POLR1D: variants seen among roughly 807,000 people sequenced by gnomAD.
POLR1D encodes RNA polymerase I and III subunit D, also known as DNA-directed RNA polymerases I and III subunit RPAC2.
A neutral mutation model predicts 10.8 loss-of-function variants in POLR1D; 8 were observed. That is an observed-to-expected ratio of 0.74 (90% CI 0.43 to 1.33). The LOEUF (loss-of-function observed/expected upper bound fraction) is 1.33, where lower values mean the gene tolerates loss of function less well. Ranked by LOEUF, POLR1D falls within the 40% of genes most tolerant of loss-of-function variation. The probability of loss-of-function intolerance (pLI) is 0.01; values close to 1 mark genes in which losing one functional copy is unlikely to be tolerated. For missense variants in POLR1D, 152 were observed against 161.7 expected (o/e 0.94, Z 0.32); for synonymous variants, 54 against 57.2 (o/e 0.94, Z 0.25).
At chr13:27,652,641 TGGGCGG>T (rs1956275677) in intron 2 of POLR1D, among the ~76,000 whole-genome samples, 1 of 88,510 alleles carries the variant, frequency 1.1e-5, no homozygotes, top group Non-Finnish European at 2.6e-5. Context: ...GAGGCCGAGG[TGGGCGG>T]ATCACTTGAG....
In POLR1D at chr13:27,621,921, G is replaced by C. The variant is rs563407988; in HGVS notation, c.-63G>C. 9.1e-5 allele frequency: 141 copies of C among 1,544,334 alleles called. No homozygotes were observed. In the African/African-American group the frequency reaches 1.4e-3, roughly 15 times the overall value. ...GCTTCCTGCTTCGCCTCCGCGCCTC[G>C]CGCTATGGGACAGAGCCCCCGATCC... On this transcript the variant is annotated 5_prime_UTR_variant, in exon 1 of 2. Transcript: ENST00000302979.
At chr13:27,637,309 G>A (rs928589223) in intron 1 of POLR1D, among the ~76,000 whole-genome samples, 2 of 152,138 alleles carry the variant, frequency 1.3e-5, no homozygotes, top group Non-Finnish European at 2.9e-5. Context: ...GTTAATCTCT[G>A]CAGCCTTTCT....
chr13:27,665,865 G>C (rs565786176), exon 3 of POLR1D: 26 of 1,614,048 alleles, frequency 1.6e-5, no homozygotes, highest in Non-Finnish European at 2.2e-5. Flanking sequence ...TACAAGCACA[G>C]CTTCCGCGCT....
intron 1 of POLR1D, among the ~76,000 whole-genome samples, chr13:27,642,713 A>G (rs1175831846): frequency 6.6e-6 from 1 of 152,222 alleles, no homozygotes; most frequent in Non-Finnish European, 1.5e-5. Flanking sequence ...AGGAGTGTAA[A>G]AAAATAGCTA....
At chr13:27,621,273 A>G (rs1349211652), upstream of POLR1D, 1 of 152,334 alleles carries the variant, frequency 6.6e-6, no homozygotes, top group African/African-American at 2.4e-5. Flanking sequence ...GGTGGGAAAC[A>G]GTTTTCTCCC....
At chr13:27,650,025 T>C (rs2138557577) in intron 2 of POLR1D, 1 of 398,432 alleles carries the variant, frequency 2.5e-6, no homozygotes, top group Non-Finnish European at 4.4e-6. Flanking sequence ...TGAAATCTGT[T>C]ATACTTGTGG....
downstream of POLR1D, among the ~76,000 whole-genome samples, chr13:27,624,537 A>G (rs1024538909): frequency 6.6e-6 from 1 of 152,124 alleles, no homozygotes; most frequent in Non-Finnish European, 1.5e-5. Context: ...TTGGGGATAG[A>G]TATATAGCTA....
At chr13:27,651,861 T>C (rs191293341) in intron 2 of POLR1D, among the ~76,000 whole-genome samples, 97 of 152,262 alleles carry the variant, frequency 6.4e-4, no homozygotes, top group African/African-American at 2.0e-3. Flanking sequence ...GGGAGGATGA[T>C]AGTGAAAATC....
At chr13:27,662,701 G>A (rs1956376198) in intron 2 of POLR1D, among the ~76,000 whole-genome samples, 1 of 152,118 alleles carries the variant, frequency 6.6e-6, no homozygotes, top group Admixed American at 6.5e-5. Context: ...TTGCAAGTGG[G>A]GGAAACGAAT....
rs1956390773 is a variant in POLR1D, at chr13:27,663,983, G to A, written c.102-1703G>A. Among the ~76,000 whole-genome samples, 1 of 152,166 alleles carries A rather than the reference G, an allele frequency of 6.6e-6. No homozygotes were observed. The highest frequency in any genetic ancestry group is 1.5e-5 in the Non-Finnish European group (1 of 68,036). On this transcript the variant is annotated intron_variant, in intron 2 of 2. Coordinates refer to the POLR1D transcript ENST00000399697. This position sits in a 1 kb window ranked among gnomAD's most constrained non-coding sequence, Gnocchi z 4.1. The stretch of plus-strand genomic sequence containing the variant: ...GTGATGGAGGGTAGTTTTTCCTGTA[G>A]GCTGTCTGTGTTATGCTGTTTTGGA...
At chr13:27,654,554 G>T (rs1227988799) in intron 2 of POLR1D, among the ~76,000 whole-genome samples, 1 of 152,172 alleles carries the variant, frequency 6.6e-6, no homozygotes, top group South Asian at 2.1e-4. Flanking sequence ...TTTCCTAGAA[G>T]TGACAGGCCC....
chr13:27,646,448 T>C (rs558914370), intron 1 of POLR1D, among the ~76,000 whole-genome samples: 2 of 152,312 alleles, frequency 1.3e-5, no homozygotes, highest in South Asian at 4.1e-4. Context: ...AAGCAGCATA[T>C]GTGGTCATCA....
rs1956390652 is a variant in POLR1D at position 27,663,970 on chromosome 13, A to T, written c.102-1716A>T. Among the ~76,000 whole-genome samples, 1 of 152,216 alleles carries T rather than the reference A, an allele frequency of 6.6e-6. No homozygotes were observed. Among genetic ancestry groups the T allele is most frequent in the African/African-American group, 2.4e-5 (1 of 41,468 alleles). On this transcript the variant is annotated intron_variant, in intron 2 of 2. Transcript: ENST00000399697. The surrounding 1 kb of genome is among the most constrained non-coding windows in gnomAD (Gnocchi z 4.1). ...CTTTTTACTCTCTGTGATGGAGGGT[A>T]GTTTTTCCTGTAGGCTGTCTGTGTT...
rs144393550 is a variant in POLR1D, at chr13:27,640,406, A to G, written c.27-7973A>G. Among the ~76,000 whole-genome samples the G allele has an allele frequency of 1.7e-3, 262 of 152,342 alleles. 1 individual carries two copies. The highest frequency in any genetic ancestry group is 6.0e-3 in the African/African-American group (250 of 41,582). On this transcript the variant is annotated intron_variant, in intron 1 of 2. Transcript: ENST00000399697. ...TTTCCAGTGGACACTAATTTAGAGT[A>G]TGGAAAGGTTTTGAACTGCAGAAAA...
At chr13:27,650,343 T>C in intron 2 of POLR1D, 3 of 322,048 alleles carry the variant, frequency 9.3e-6, no homozygotes, top group Non-Finnish European at 1.1e-5. Flanking sequence ...TGTTCAAAGT[T>C]TTTATTGAGG....
At chr13:27,621,881 C>G, upstream of POLR1D, 2 of 1,252,860 alleles carry the variant, frequency 1.6e-6, no homozygotes, top group South Asian at 2.6e-5. Context: ...CCGCGCCTTC[C>G]GTCGGTCGGT....
chr13:27,645,021 G>C (rs7337722), intron 1 of POLR1D, among the ~76,000 whole-genome samples: 15,434 of 152,198 alleles, frequency 0.1, 850 homozygotes, highest in Non-Finnish European at 0.11. Flanking sequence ...TAATTTTGAA[G>C]GTAGTTATAG....
intron 2 of POLR1D, among the ~76,000 whole-genome samples, chr13:27,659,628 C>CA (rs1393352575): frequency 1.3e-5 from 2 of 152,244 alleles, no homozygotes; most frequent in East Asian, 3.9e-4. Context: ...ACATTCCTTT[C>CA]ATATCCAGTT....
At position 27,643,749 on chromosome 13, in the gene POLR1D, C is replaced by T. The variant is rs575576178; in HGVS notation, c.27-4630C>T. Among the ~76,000 whole-genome samples, 19 of 152,244 alleles carry T rather than the reference C, an allele frequency of 1.2e-4. No individual in the cohort carries two copies. The South Asian group carries it at 2.1e-3, about 17-fold the overall frequency. On this transcript the variant is annotated intron_variant, in intron 1 of 2. Transcript: ENST00000399697. Reference sequence around the variant, plus strand: ...AAGGTTTCTTTTACACGTATGTGGACGACTCCACAAGTATAAACATGTTTG... The same window carrying T: ...AAGGTTTCTTTTACACGTATGTGGATGACTCCACAAGTATAAACATGTTTG...
Sources: gnomAD v4.1 joint callset for allele counts (sites outside exome capture counted in the v4.1 genomes callset) on GRCh38, gnomAD v4.1.1 for gene constraint, Gnocchi (gnomAD v3.1) non-coding constraint, MANE v1.5 for transcripts, NCBI Gene and HGNC (gene_info 2026-07-23, HGNC 2026-07-21) for gene names.